The following NXPE1 variants were observed in gnomAD, a reference collection of about 807,000 sequenced individuals.
The protein encoded by NXPE1 is NXPE family member 1.
Under a neutral mutation model 33.3 loss-of-function variants are expected in NXPE1, and 31 were observed. The observed-to-expected ratio is 0.93, with a 90% CI of 0.70 to 1.26. The LOEUF (loss-of-function observed/expected upper bound fraction) is 1.26. Ranked by LOEUF, NXPE1 falls within the 50% of genes most tolerant of loss-of-function variation. NXPE1 has a pLI of 0.00. For synonymous variants in NXPE1, 229 were observed against 231.4 expected (o/e 0.99, Z 0.09); for missense variants, 661 against 655.6 (o/e 1.01, Z -0.09).
chr11:114,547,743 A>G (rs1002197731), intron 5 of NXPE1, among the ~76,000 whole-genome samples: 4 of 152,182 alleles, frequency 2.6e-5, no homozygotes, highest in African/African-American at 9.6e-5. Flanking sequence ...TCAAAAAGGA[A>G]AAGAAATGAT....
chr11:114,553,093 A>G (rs1255109623), intron 1 of NXPE1, among the ~76,000 whole-genome samples: 3 of 152,138 alleles, frequency 2.0e-5, no homozygotes, highest in East Asian at 1.9e-4. Flanking sequence ...TTCCTGGTAA[A>G]CTTAGAAAAT....
chr11:114,540,885 T>TTTTTTTTTTTTTTTTTTTTTG lies in NXPE1; in HGVS notation c.100-9978_100-9977insCAAAAAAAAAAAAAAAAAAAA, dbSNP rs754802719. On this transcript the variant is annotated intron_variant, in intron 5 of 8. Transcript: ENST00000534921. The stretch of plus-strand genomic sequence containing the variant: ...TTTTTTTTTTTTTTTTTTTTTTTTT[T>TTTTTTTTTTTTTTTTTTTTTG]GGCTTGAACAACCTGAGAGCAGAGT... Among the ~76,000 whole-genome samples the TTTTTTTTTTTTTTTTTTTTTG allele has an allele frequency of 3.7e-5, 3 of 81,290 alleles. 1 individual carries two copies. Among genetic ancestry groups the TTTTTTTTTTTTTTTTTTTTTG allele is most frequent in the African/African-American group, 9.9e-5 (2 of 20,108 alleles). 53.3% of individuals were successfully genotyped at this position (81,290 alleles called of 152,430 possible).
rs1376078310 is a variant in NXPE1 at position 114,523,150 on chromosome 11, T to C, written c.896-59A>G. 10 of 1,207,214 alleles carry C rather than the reference T, an allele frequency of 8.3e-6. No individual in the cohort carries two copies. In the East Asian group the frequency reaches 2.1e-4, roughly 26 times the overall value. The allele number at this position is 1,207,214 out of a possible 1,614,324, so 74.8% of individuals were successfully genotyped here. ...GGCAAAACTTAGACATCTAGCCTTC[T>C]TTCCTGGTCTTTCATTTTCTTGCTC... is the stretch of plus-strand genomic sequence containing the variant. On this transcript the variant is annotated intron_variant, in intron 7 of 8. Coordinates refer to ENST00000534921, the Ensembl canonical transcript of NXPE1.
rs1947556931 is a variant in NXPE1, at chr11:114,530,923, A to T, written c.100-15T>A. On this transcript the variant is annotated splice_polypyrimidine_tract_variant and intron_variant, in intron 5 of 8. Transcript: ENST00000534921. ...GCAGACCAAAGCTGAAATGACAAGG[A>T]TTGTGATATACTATGAAATTAACCT... The T allele has an allele frequency of 6.3e-7, 1 of 1,586,712 alleles. No homozygotes were observed.
At chr11:114,543,358 C>T (rs555968253) in intron 5 of NXPE1, among the ~76,000 whole-genome samples, 1 of 150,572 alleles carries the variant, frequency 6.6e-6, no homozygotes, top group Non-Finnish European at 1.5e-5. Context: ...GAGCAAGACT[C>T]TAATTATATA....
chr11:114,522,479 T>C, exon 9 of NXPE1: 2 of 1,602,698 alleles, frequency 1.2e-6, no homozygotes, highest in African/African-American at 1.3e-5. Context: ...GATTCCAGTT[T>C]CATGAAGATC....
At chr11:114,550,612 A>C (rs1182494624) in intron 5 of NXPE1, among the ~76,000 whole-genome samples, 3 of 152,202 alleles carry the variant, frequency 2.0e-5, no homozygotes, top group African/African-American at 7.2e-5. Context: ...TAACTATACA[A>C]GTAAAAAAAT....
At chr11:114,519,367 G>C (rs1947155001), downstream of NXPE1, among the ~76,000 whole-genome samples, 1 of 152,118 alleles carries the variant, frequency 6.6e-6, no homozygotes, top group South Asian at 2.1e-4. Context: ...GCTTTCTAAA[G>C]AGATGGTAAA....
chr11:114,522,968 A>G (rs1947260599), exon 8 of NXPE1: 2 of 1,613,728 alleles, frequency 1.2e-6, no homozygotes, highest in Admixed American at 1.7e-5. Context: ...ACAGCCATTT[A>G]TCTTAATTGT....
chr11:114,556,701 T>A (rs1337843046), intron 1 of NXPE1, among the ~76,000 whole-genome samples: 1 of 151,982 alleles, frequency 6.6e-6, no homozygotes, highest in African/African-American at 2.4e-5. Flanking sequence ...TAAAATGTAT[T>A]TTTTTCCAGA....
At chr11:114,532,249 T>C (rs528586852) in intron 5 of NXPE1, among the ~76,000 whole-genome samples, 24 of 152,250 alleles carry the variant, frequency 1.6e-4, no homozygotes, top group Non-Finnish European at 3.4e-4. Context: ...AGAACCCACA[T>C]TGAAGTTTTG....
At chr11:114,555,040 CTT>C (rs763356888) in intron 1 of NXPE1, among the ~76,000 whole-genome samples, 7 of 143,500 alleles carry the variant, frequency 4.9e-5, no homozygotes, top group Admixed American at 7.0e-5. Flanking sequence ...CTTGGGAGTC[CTT>C]TTTTTTTTTT....
chr11:114,538,175 G>A (rs1224947813), intron 5 of NXPE1, among the ~76,000 whole-genome samples: 1 of 152,158 alleles, frequency 6.6e-6, no homozygotes, highest in African/African-American at 2.4e-5. Context: ...AGAAGAAATG[G>A]GGAAAGGATT....
chr11:114,523,928 T>C (rs1015805463), intron 7 of NXPE1, among the ~76,000 whole-genome samples: 1 of 152,228 alleles, frequency 6.6e-6, no homozygotes, highest in Non-Finnish European at 1.5e-5. Flanking sequence ...AAGACCAAGA[T>C]AATAATGACT....
intron 5 of NXPE1, among the ~76,000 whole-genome samples, chr11:114,532,560 A>G (rs927248100): frequency 6.6e-6 from 1 of 152,166 alleles, no homozygotes; most frequent in Non-Finnish European, 1.5e-5. Context: ...GAGTACAGAC[A>G]TCCCTAACTT....
chr11:114,540,129 C>T (rs1037600608), intron 5 of NXPE1, among the ~76,000 whole-genome samples: 5 of 152,072 alleles, frequency 3.3e-5, no homozygotes, highest in Non-Finnish European at 7.4e-5. Flanking sequence ...CTAATTTTTT[C>T]TATTTTTAGT....
At chr11:114,553,751 A>G (rs1349721981) in intron 1 of NXPE1, 1 of 985,214 alleles carries the variant, frequency 1.0e-6, no homozygotes, top group Non-Finnish European at 1.2e-6. Flanking sequence ...CTCCATTTGG[A>G]AATCCTCACT....
intron 6 of NXPE1, among the ~76,000 whole-genome samples, chr11:114,528,119 C>T (rs765431813): frequency 1.3e-5 from 2 of 152,110 alleles, no homozygotes; most frequent in Non-Finnish European, 2.9e-5. Flanking sequence ...GCAGCTCTAC[C>T]GATCTGCCAC....
At chr11:114,537,272 G>A (rs921414444) in intron 5 of NXPE1, among the ~76,000 whole-genome samples, 3 of 152,080 alleles carry the variant, frequency 2.0e-5, no homozygotes, top group African/African-American at 7.2e-5. Context: ...GTATTGATGG[G>A]ACATATCTCA....
Sources: gnomAD v4.1 joint callset for allele counts (sites outside exome capture counted in the v4.1 genomes callset) on GRCh38, gnomAD v4.1.1 for gene constraint, MANE v1.5 for transcripts, NCBI Gene and HGNC (gene_info 2026-07-23, HGNC 2026-07-21) for gene names.